The following COL4A1 variants were observed in gnomAD, a reference collection of about 807,000 sequenced individuals.
The protein encoded by COL4A1 is collagen type IV alpha 1 chain, also known as collagen alpha-1(IV) chain.
COL4A1 carries 40 observed loss-of-function variants against 216.6 expected under a neutral mutation model. That is an observed-to-expected ratio of 0.18 (90% CI 0.14 to 0.24). COL4A1 has a LOEUF of 0.24. COL4A1 is among the 10% of genes least tolerant of loss of function. The probability of loss-of-function intolerance (pLI) is 1.00; values close to 1 mark genes in which losing one functional copy is unlikely to be tolerated. For missense variants in COL4A1, 1,628 were observed against 2,196.8 expected (o/e 0.74, Z 5.18); for synonymous variants, 839 against 810.7 (o/e 1.03, Z -0.59).
At position 110,207,925 on chromosome 13, in the gene COL4A1, G is replaced by A. The variant is rs769287280; in HGVS notation, c.694-436C>T. 2.6e-5 allele frequency among the ~76,000 whole-genome samples: 4 copies of A among 152,150 alleles called. No individual in the cohort carries two copies. The highest frequency in any genetic ancestry group is 2.9e-5 in the Non-Finnish European group (2 of 68,038). On this transcript the variant is annotated intron_variant, in intron 12 of 51. Coordinates refer to ENST00000375820, the MANE Select transcript of COL4A1 (RefSeq NM_001845.6). The surrounding 1 kb of genome is among the most constrained non-coding windows in gnomAD (Gnocchi z 4.4). ...TCCCTCCTCGGGCATCCTAACTGCCGGGTACGCCTAAAAATTACAACTGCA... is the reference window on the plus strand; with the variant it reads ...TCCCTCCTCGGGCATCCTAACTGCCAGGTACGCCTAAAAATTACAACTGCA...
At chr13:110,209,549 T>C (rs1317973064) in intron 10 of COL4A1, 122 bp from the exon 11 acceptor site, 5 of 817,660 alleles carry the variant, frequency 6.1e-6, no homozygotes, top group Non-Finnish European at 8.0e-6. Flanking sequence ...GTGAAATATT[T>C]TTCCTGGGCT....
At chr13:110,235,453 T>A (rs9521659) in intron 2 of COL4A1, among the ~76,000 whole-genome samples, 290 of 152,014 alleles carry the variant, frequency 1.9e-3, no homozygotes, top group Non-Finnish European at 2.4e-3. Flanking sequence ...GATCGAGACC[T>A]TCCTGGCTAA....
chr13:110,180,805 G>A (rs746702224), intron 29 of COL4A1, among the ~76,000 whole-genome samples: 6 of 152,196 alleles, frequency 3.9e-5, no homozygotes, highest in Non-Finnish European at 7.3e-5. Context: ...GTGGAAGGGG[G>A]ATGCTCTTTT....
intron 1 of COL4A1, among the ~76,000 whole-genome samples, chr13:110,267,777 C>T (rs1345404631): frequency 6.6e-6 from 1 of 152,090 alleles, no homozygotes; most frequent in East Asian, 1.9e-4. Context: ...ATTGGAATAG[C>T]TTCAAAATAA....
chr13:110,161,148 T>C (rs1373893090), intron 49 of COL4A1, 44 bp downstream of exon 49: 1 of 1,594,810 alleles, frequency 6.3e-7, no homozygotes, highest in East Asian at 2.2e-5. Context: ...CTAGAGACTT[T>C]TCCTCTTCAA....
chr13:110,167,152 T>A lies in COL4A1; in HGVS notation c.3949+6A>T. On this transcript the variant is annotated splice_donor_region_variant and intron_variant, in intron 44 of 51. Coordinates refer to ENST00000375820, the MANE Select transcript of COL4A1 (RefSeq NM_001845.6). Reference sequence around the variant, plus strand: ...AGGCTGTGCAGCAAGGTCTGTGCTGTCTTACCTTGAAATCCTGGAACTCCT... The same window carrying A: ...AGGCTGTGCAGCAAGGTCTGTGCTGACTTACCTTGAAATCCTGGAACTCCT... 2 of 1,612,722 alleles carry A rather than the reference T, an allele frequency of 1.2e-6. No individual in the cohort carries two copies. Among genetic ancestry groups the A allele is most frequent in the Non-Finnish European group, 1.7e-6 (2 of 1,178,684 alleles).
Position 110,169,674 on chromosome 13 carries a change from G to A in COL4A1, c.3831C>T (p.Pro1277=), listed in dbSNP as rs779198670. The A allele has an allele frequency of 4.2e-5, 68 of 1,614,068 alleles. No homozygotes were observed. The highest frequency in any genetic ancestry group is 2.3e-4 in the Admixed American group (14 of 60,012). The change falls in exon 43 of 52, where the codon CCC becomes CCT. Residue 1277 remains proline, a synonymous_variant. Coordinates refer to ENST00000375820, the MANE Select transcript of COL4A1 (RefSeq NM_001845.6). ...DKGNPGWPGA[P]GVPGPKGDPG... is the part of the protein sequence containing the mutation. ...GGTCTCCCTTGGGCCCTGGGACACC[G>A]GGTGCTCCTGGCCAGCCTGGATTTC...
chr13:110,287,129 T>G (rs888931782), intron 1 of COL4A1, among the ~76,000 whole-genome samples: 3 of 152,132 alleles, frequency 2.0e-5, no homozygotes, highest in East Asian at 1.9e-4. Flanking sequence ...GGTGTAGACA[T>G]GAGGGCTGCA....
At chr13:110,185,867 A>T (rs751526402) in intron 26 of COL4A1, among the ~76,000 whole-genome samples, 58 of 152,350 alleles carry the variant, frequency 3.8e-4, no homozygotes, top group Non-Finnish European at 7.6e-4. Flanking sequence ...ATGTGTTGTC[A>T]ATGCTCAGCA....
intron 24 of COL4A1, 57 bp downstream of exon 24, chr13:110,192,157 T>C: frequency 6.4e-7 from 1 of 1,554,522 alleles, no homozygotes; most frequent in Admixed American, 1.7e-5. Flanking sequence ...CACAACTCTG[T>C]CCACGTGCTT....
chr13:110,256,206 C>T (rs1299756692), intron 1 of COL4A1, among the ~76,000 whole-genome samples: 1 of 152,110 alleles, frequency 6.6e-6, no homozygotes, highest in Non-Finnish European at 1.5e-5. Context: ...CAAGAGTTGT[C>T]CTGGGCCCCA....
rs147447357 is a variant in COL4A1 at position 110,299,029 on chromosome 13, C to T, written c.84+7915G>A. On this transcript the variant is annotated intron_variant, in intron 1 of 51. Coordinates refer to ENST00000375820, the MANE Select transcript of COL4A1 (RefSeq NM_001845.6). ...ATGCATGTTTCTGGAACCTTCCTCC[C>T]CCGCCCATCTGACCTTCCAAACTGC... The T allele has an allele frequency of 9.9e-3, 1,510 of 152,772 alleles. 24 individuals carry two copies. The highest frequency in any genetic ancestry group is 0.055 in the South Asian group (265 of 4,834). 9.5% of individuals were successfully genotyped at this position (152,772 alleles called of 1,614,324 possible). A position where few individuals can be genotyped will look rare whatever the true frequency, so the allele number is the denominator to read the frequency against.
Position 110,170,663 on chromosome 13 carries a change from T to C in COL4A1, c.3626A>G (p.Gln1209Arg). The C allele has an allele frequency of 6.2e-7, 1 of 1,614,120 alleles. No individual in the cohort carries two copies. Among genetic ancestry groups the C allele is most frequent in the African/African-American group, 1.3e-5 (1 of 75,066 alleles). Reference sequence around the variant, plus strand: ...GGGCCCCGGAGGACCCATGAATCCTTGCTCTCCTTTGGATCCAGGAATTCC... The same window carrying C: ...GGGCCCCGGAGGACCCATGAATCCTCGCTCTCCTTTGGATCCAGGAATTCC... Reference protein sequence around the residue: ...SPGIPGSKGEQGFMGPPGPQG... With the variant: ...SPGIPGSKGERGFMGPPGPQG... Residue 1209 changes from glutamine (Q) to arginine (R), a missense_variant, in exon 42 of 52, where the codon CAA (glutamine) becomes CGA (arginine). By Grantham distance (43) the Gln-to-Arg change is conservative. Transcript: ENST00000375820.
In COL4A1 at chr13:110,181,278, T is replaced by G; in HGVS notation, c.2193+14A>C. On this transcript the variant is annotated intron_variant, in intron 29 of 51. Coordinates refer to ENST00000375820, the MANE Select transcript of COL4A1 (RefSeq NM_001845.6). ...TGGGGGAGAAGGGTCATGGAGGGAA[T>G]GCTTGGCACTCACCTTCTGGCCCTG... is the stretch of plus-strand genomic sequence containing the variant. 1 of 1,613,002 alleles carries G rather than the reference T, an allele frequency of 6.2e-7. No individual in the cohort carries two copies. Among genetic ancestry groups the G allele is most frequent in the Non-Finnish European group, 8.5e-7 (1 of 1,179,058 alleles).
At position 110,201,484 on chromosome 13, in the gene COL4A1, C is replaced by G. The variant is rs1373905849; in HGVS notation, c.1038G>C (p.Arg346Ser). Residue 346 changes from arginine to serine, a missense_variant, in exon 19 of 52, where the codon AGG becomes AGC. By Grantham distance (110) the Arg-to-Ser change is moderately radical. This residue lies in a region of COL4A1 where 701 missense variants were observed against 892.5 expected (regional missense o/e 0.79). Transcript: ENST00000375820. The part of the protein sequence containing the change: ...GTGPLGEKGE[R>S]GYPGTPGPRG... ...TTGGCCCCGGAGTTCCAGGGTAGCCCCTCTCTCCTTTTTCTCCCAAAGGTC... is the reference window on the plus strand; with the variant it reads ...TTGGCCCCGGAGTTCCAGGGTAGCCGCTCTCTCCTTTTTCTCCCAAAGGTC... 1.9e-6 allele frequency: 3 copies of G among 1,613,942 alleles called. No homozygotes were observed. The highest frequency in any genetic ancestry group is 2.5e-6 in the Non-Finnish European group (3 of 1,180,022).
At chr13:110,263,306 T>C (rs1263048794) in intron 1 of COL4A1, among the ~76,000 whole-genome samples, 2 of 152,172 alleles carry the variant, frequency 1.3e-5, no homozygotes, top group African/African-American at 2.4e-5. Context: ...GAATACAGCA[T>C]GTAATCAAGA....
At chr13:110,152,280 A>T in intron 51 of COL4A1, 54 bp downstream of exon 51, 1 of 1,610,044 alleles carries the variant, frequency 6.2e-7, no homozygotes. Context: ...GATGATTAAA[A>T]AATAAAGTCA....
chr13:110,159,844 C>A (rs1371193868), intron 49 of COL4A1, among the ~76,000 whole-genome samples: 1 of 152,032 alleles, frequency 6.6e-6, no homozygotes, highest in East Asian at 1.9e-4. Flanking sequence ...GTGAAACAGG[C>A]CAGTGACAAA....
intron 1 of COL4A1, among the ~76,000 whole-genome samples, chr13:110,253,071 TATAACTATAA>T (rs1882240200): frequency 4.6e-5 from 2 of 43,206 alleles, no homozygotes; most frequent in East Asian, 5.9e-4. Context: ...TACATATACA[TATAACTATAA>T]GTACGTATGT....
Sources: allele counts gnomAD v4.1 joint callset (sites outside exome capture counted in the v4.1 genomes callset), GRCh38; gene constraint gnomAD v4.1.1; regional missense constraint gnomAD v4.1.1; non-coding constraint Gnocchi (gnomAD v3.1); transcripts MANE v1.5; gene names NCBI Gene and HGNC (gene_info 2026-07-23, HGNC 2026-07-21).